Variants in KMT2C observed in about 807,000 individuals in gnomAD.
The protein encoded by KMT2C is lysine methyltransferase 2C, also known as histone-lysine N-methyltransferase 2C.
A neutral mutation model predicts 507.9 loss-of-function variants in KMT2C; 88 were observed. The ratio of observed to expected loss-of-function variants is 0.17; its 90% CI spans 0.15 to 0.21. The LOEUF (loss-of-function observed/expected upper bound fraction) is 0.21, where lower values mean the gene tolerates loss of function less well. KMT2C is among the 10% of genes least tolerant of loss of function. The pLI is 1.00. For missense variants in KMT2C, 4,954 were observed against 5,957.8 expected, an observed-to-expected ratio of 0.83 and a Z score of 5.55; for synonymous variants, 2,049 against 2,080.8, an observed-to-expected ratio of 0.98 and a Z score of 0.42.
At chr7:152,379,917 G>A (rs556917354) in intron 1 of KMT2C, among the ~76,000 whole-genome samples, 16 of 151,776 alleles carry the variant, frequency 1.1e-4, no homozygotes, top group African/African-American at 3.7e-4. Context: ...GCAACACAGC[G>A]AGACCCCAGT....
rs1474639145 is a variant in KMT2C, at chr7:152,220,226, G to A, written c.3712+297C>T. ...CACAGTATCTGAGAAGGTTTGTGTC[G>A]TTATCTAGCAAACTAAAGTCAAGCC... On this transcript the variant is annotated intron_variant, in intron 23 of 58. Transcript: ENST00000262189. The A allele has an allele frequency of 4.5e-5, 16 of 358,830 alleles. 1 individual carries two copies. The Middle Eastern group carries it at 2.5e-3, about 56-fold the overall frequency. 22.2% of individuals were successfully genotyped at this position (358,830 alleles called of 1,614,324 possible).
chr7:152,428,511 A>G (rs188599787), intron 1 of KMT2C, among the ~76,000 whole-genome samples: 458 of 151,084 alleles, frequency 3.0e-3, no homozygotes, highest in Non-Finnish European at 4.9e-3. Context: ...GGTGCCTGTA[A>G]TCCTGGCTAC....
chr7:152,199,436 A>C lies in KMT2C; in HGVS notation c.4116T>G (p.Leu1372=). 1 of 1,559,866 alleles carries C rather than the reference A, an allele frequency of 6.4e-7. No individual in the cohort carries two copies. The highest frequency in any genetic ancestry group is 8.6e-7 in the Non-Finnish European group (1 of 1,162,290). Residue 1372 remains leucine, a synonymous_variant, in exon 27 of 59, where the codon CTT becomes CTG. Transcript: ENST00000262189. Reference sequence around the variant, plus strand: ...TCTTGCTTTGTCTACTTGTATCTAGAAGATCTTTTCCAAAGAAAGCTTCCT... The same window carrying C: ...TCTTGCTTTGTCTACTTGTATCTAGCAGATCTTTTCCAAAGAAAGCTTCCT... ...YLQEAFFGKD[L]LDTSRQSKIS... is the part of the protein sequence containing the mutation.
chr7:152,198,740 G>T (rs2094040152), intron 27 of KMT2C, among the ~76,000 whole-genome samples: 1 of 152,040 alleles, frequency 6.6e-6, no homozygotes, highest in Admixed American at 6.6e-5. Context: ...AGATATTTTT[G>T]ATCATCATGA....
At chr7:152,391,142 CAAA>C (rs1195125465) in intron 1 of KMT2C, among the ~76,000 whole-genome samples, 673 of 34,674 alleles carry the variant, frequency 0.019, 1 homozygote, top group African/African-American at 0.067. Context: ...AGACTGTCTC[CAAA>C]AAAAAAAAAA....
intron 44 of KMT2C, among the ~76,000 whole-genome samples, chr7:152,158,660 C>A (rs546896908): frequency 2.0e-5 from 3 of 152,080 alleles, no homozygotes; most frequent in African/African-American, 7.2e-5. Flanking sequence ...GAATTACAGG[C>A]GTGTACCACC....
intron 1 of KMT2C, among the ~76,000 whole-genome samples, chr7:152,371,986 A>T (rs945294786): frequency 3.3e-5 from 5 of 152,108 alleles, no homozygotes; most frequent in Admixed American, 6.5e-5. Flanking sequence ...TCAAAAGCAT[A>T]TCACTACCAA....
At chr7:152,137,526 GA>G (rs1225650824) in intron 58 of KMT2C, 2 of 152,456 alleles carry the variant, frequency 1.3e-5, no homozygotes, top group Non-Finnish European at 2.9e-5. Flanking sequence ...AAATGAAGGG[GA>G]GGCCCAGGAA....
intron 7 of KMT2C, among the ~76,000 whole-genome samples, chr7:152,269,635 C>T (rs903055461): frequency 6.6e-6 from 1 of 152,180 alleles, no homozygotes; most frequent in Non-Finnish European, 1.5e-5. Context: ...AATTCCAGGT[C>T]TATTTGGATT....
intron 1 of KMT2C, among the ~76,000 whole-genome samples, chr7:152,397,856 C>T (rs1279224194): frequency 6.6e-6 from 1 of 152,138 alleles, no homozygotes; most frequent in Non-Finnish European, 1.5e-5. Flanking sequence ...AGTGTGAGGC[C>T]TCCCCAAACA....
chr7:152,149,458 A>G (rs1016640008), intron 51 of KMT2C, among the ~76,000 whole-genome samples: 1 of 152,238 alleles, frequency 6.6e-6, no homozygotes. Flanking sequence ...TTCTAACTAT[A>G]TTAAAACCAG....
chr7:152,253,638 G>T (rs919931307), intron 9 of KMT2C, among the ~76,000 whole-genome samples: 10 of 151,924 alleles, frequency 6.6e-5, no homozygotes, highest in African/African-American at 2.2e-4. Flanking sequence ...AGGCTGCAGG[G>T]AGCTCACGCC....
chr7:152,149,174 T>C, intron 51 of KMT2C, 22 bp from the exon 52 acceptor site: 4 of 1,444,094 alleles, frequency 2.8e-6, no homozygotes, highest in Non-Finnish European at 3.6e-6. Flanking sequence ...AAAGAAACCA[T>C]GACAAAGAAA....
chr7:152,301,194 T>G, intron 6 of KMT2C, among the ~76,000 whole-genome samples: 1 of 108,806 alleles, frequency 9.2e-6, no homozygotes. Flanking sequence ...AGACCCTGTC[T>G]CCTAAAAAAA....
intron 1 of KMT2C, among the ~76,000 whole-genome samples, chr7:152,430,490 G>A (rs1403784001): frequency 6.6e-6 from 1 of 152,148 alleles, no homozygotes; most frequent in Non-Finnish European, 1.5e-5. Context: ...CCTAACGAGG[G>A]TATCTAACAC....
chr7:152,188,426 G>C (rs1439207777), intron 31 of KMT2C, among the ~76,000 whole-genome samples: 5 of 151,644 alleles, frequency 3.3e-5, no homozygotes, highest in Admixed American at 2.6e-4. Flanking sequence ...CATAGTTCCT[G>C]GTATGCAGTA....
chr7:152,239,242 G>A (rs1170010755), intron 14 of KMT2C, among the ~76,000 whole-genome samples: 1 of 152,088 alleles, frequency 6.6e-6, no homozygotes, highest in Non-Finnish European at 1.5e-5. Flanking sequence ...AGGAGAAATG[G>A]ATAACCATAA....
chr7:152,147,769 A>G (rs997081882), intron 52 of KMT2C, among the ~76,000 whole-genome samples: 11 of 151,934 alleles, frequency 7.2e-5, no homozygotes, highest in African/African-American at 2.4e-4. Context: ...TGCAAATGAC[A>G]GGCAACCTTT....
At chr7:152,258,783 C>T (rs2095706740) in intron 9 of KMT2C, among the ~76,000 whole-genome samples, 2 of 152,168 alleles carry the variant, frequency 1.3e-5, no homozygotes, top group South Asian at 4.1e-4. Context: ...GCTTCAGCCT[C>T]CCAAAGTGCT....
Sources: gnomAD v4.1 joint callset for allele counts (sites outside exome capture counted in the v4.1 genomes callset) on GRCh38, gnomAD v4.1.1 for gene constraint, MANE v1.5 for transcripts, NCBI Gene and HGNC (gene_info 2026-07-23, HGNC 2026-07-21) for gene names.